Variants in EYS observed in about 807,000 individuals in gnomAD.
EYS encodes protein eyes shut homolog.
Under a neutral mutation model 282.1 loss-of-function variants are expected in EYS, and 250 were observed. That is an observed-to-expected ratio of 0.89 (90% CI 0.80 to 0.98). The LOEUF is 0.98. Ranked by LOEUF, EYS falls within the 50% of genes least tolerant of loss-of-function variation. The probability of loss-of-function intolerance (pLI) is 0.00; values close to 1 mark genes in which losing one functional copy is unlikely to be tolerated. For missense variants in EYS, 4,016 were observed against 3,709.0 expected, an observed-to-expected ratio of 1.08 and a Z score of -2.15; for synonymous variants, 1,355 against 1,282.9, an observed-to-expected ratio of 1.06 and a Z score of -1.20.
chr6:65,242,699 G>C (rs922373435), intron 12 of EYS, among the ~76,000 whole-genome samples: 2 of 152,066 alleles, frequency 1.3e-5, no homozygotes, highest in African/African-American at 4.8e-5. Context: ...TGCCAAAATA[G>C]TTTCCAAAAT....
chr6:64,311,267 A>G (rs1285774164), intron 29 of EYS, among the ~76,000 whole-genome samples: 1 of 152,098 alleles, frequency 6.6e-6, no homozygotes, highest in Non-Finnish European at 1.5e-5. Context: ...TAAAAGTAAT[A>G]GAAGGGAAAC....
chr6:64,881,555 T>A (rs1419064542), intron 19 of EYS, among the ~76,000 whole-genome samples: 1 of 151,894 alleles, frequency 6.6e-6, no homozygotes, highest in Non-Finnish European at 1.5e-5. Context: ...TTGTTCAATA[T>A]CTCTCTTTAC....
In EYS at chr6:65,405,246, A is replaced by G. The variant is rs1456373261; in HGVS notation, c.984T>C (p.Asn328=). Residue 328 remains asparagine, a synonymous_variant, in exon 6 of 43, where the codon AAT becomes AAC. Transcript: ENST00000503581. Reference sequence around the variant, plus strand: ...AAAACTCACTGACATCAGTTTCACCATTTTGGCTGGAAGATCCTTTTGGGC... The same window carrying G: ...AAAACTCACTGACATCAGTTTCACCGTTTTGGCTGGAAGATCCTTTTGGGC... ...YECPKGSSSQ[N]GETDVSEFSL... 4.3e-6 allele frequency: 7 copies of G among 1,613,284 alleles called. No individual in the cohort carries two copies. Among genetic ancestry groups the G allele is most frequent in the Non-Finnish European group, 5.9e-6 (7 of 1,179,580 alleles).
intron 41 of EYS, among the ~76,000 whole-genome samples, chr6:63,737,344 A>T (rs1768944037): frequency 6.6e-6 from 1 of 152,176 alleles, no homozygotes; most frequent in African/African-American, 2.4e-5. Flanking sequence ...TATTGAGATA[A>T]TCATGTGGTT....
chr6:65,041,887 T>A (rs986199904), intron 13 of EYS, among the ~76,000 whole-genome samples: 1 of 151,582 alleles, frequency 6.6e-6, no homozygotes, highest in East Asian at 1.9e-4. Context: ...TTTTCTGTTT[T>A]TGCAACCTCT....
intron 30 of EYS, among the ~76,000 whole-genome samples, chr6:64,256,234 T>A (rs2057164): frequency 0.69 from 104,042 of 151,438 alleles, 35,743 homozygotes; most frequent in South Asian, 0.71. Context: ...TACATAGCTC[T>A]TTTTTCCTTC....
chr6:64,194,443 T>C (rs2150318328), intron 31 of EYS, among the ~76,000 whole-genome samples: 2 of 152,320 alleles, frequency 1.3e-5, no homozygotes, highest in African/African-American at 4.8e-5. Flanking sequence ...TCAAATAAGT[T>C]TTTGTGTAAA....
chr6:64,955,104 T>C (rs985469473), intron 14 of EYS, among the ~76,000 whole-genome samples: 3 of 151,984 alleles, frequency 2.0e-5, no homozygotes, highest in Non-Finnish European at 2.9e-5. Flanking sequence ...CACTTGAACC[T>C]GGGAGGCGGA....
intron 26 of EYS, among the ~76,000 whole-genome samples, chr6:64,448,215 C>T (rs1455002280): frequency 6.6e-6 from 1 of 152,232 alleles, no homozygotes; most frequent in African/African-American, 2.4e-5. Flanking sequence ...TTATATCCCG[C>T]AGGTGGCTCT....
chr6:65,177,844 T>G (rs1581985411), intron 12 of EYS, among the ~76,000 whole-genome samples: 1 of 151,900 alleles, frequency 6.6e-6, no homozygotes, highest in African/African-American at 2.4e-5. Context: ...TTGATGTTAC[T>G]CATTGTAAAA....
chr6:63,831,661 A>C (rs778779751), intron 36 of EYS, among the ~76,000 whole-genome samples: 13 of 152,186 alleles, frequency 8.5e-5, no homozygotes, highest in Non-Finnish European at 4.4e-5. Flanking sequence ...GATCAAAGAG[A>C]CAGAAAGTTA....
chr6:64,772,461 T>C (rs1490712350), intron 22 of EYS, among the ~76,000 whole-genome samples: 1 of 151,814 alleles, frequency 6.6e-6, no homozygotes, highest in Non-Finnish European at 1.5e-5. Context: ...TCAGGGTGAA[T>C]GGGATATCCA....
At chr6:65,055,047 T>A (rs2150156342) in intron 13 of EYS, among the ~76,000 whole-genome samples, 1 of 152,154 alleles carries the variant, frequency 6.6e-6, no homozygotes, top group East Asian at 1.9e-4. Flanking sequence ...AGTGGCACAA[T>A]AATAATTCAC....
At chr6:64,848,725 T>C (rs1315743091) in intron 19 of EYS, among the ~76,000 whole-genome samples, 2 of 152,062 alleles carry the variant, frequency 1.3e-5, no homozygotes, top group African/African-American at 2.4e-5. Flanking sequence ...AGAACAAGTA[T>C]AGGAGAGAAT....
intron 14 of EYS, among the ~76,000 whole-genome samples, chr6:64,963,240 A>C (rs1043279830): frequency 1.3e-5 from 2 of 152,192 alleles, no homozygotes; most frequent in African/African-American, 2.4e-5. Flanking sequence ...CAAATAGCAA[A>C]ATATTAATTT....
chr6:64,901,292 G>C (rs1767652683), intron 18 of EYS, among the ~76,000 whole-genome samples: 1 of 43,014 alleles, frequency 2.3e-5, no homozygotes. Flanking sequence ...CTATGTAGTT[G>C]AGTATATATA....
intron 12 of EYS, among the ~76,000 whole-genome samples, chr6:65,109,748 C>T (rs970922729): frequency 6.6e-6 from 1 of 151,976 alleles, no homozygotes; most frequent in Non-Finnish European, 1.5e-5. Context: ...CCAAAGCCCA[C>T]AGTGACAGTA....
At chr6:65,571,666 G>A (rs1464868757) in intron 2 of EYS, among the ~76,000 whole-genome samples, 3 of 151,916 alleles carry the variant, frequency 2.0e-5, no homozygotes, top group African/African-American at 7.2e-5. Flanking sequence ...ACTATGATCA[G>A]TTGCATTTCT....
chr6:65,298,780 T>A (rs1011547902), intron 11 of EYS, among the ~76,000 whole-genome samples: 1 of 151,608 alleles, frequency 6.6e-6, no homozygotes, highest in African/African-American at 2.4e-5. Flanking sequence ...TAGTAATATA[T>A]AATGCTCTGA....
Sources: allele counts gnomAD v4.1 joint callset (sites outside exome capture counted in the v4.1 genomes callset), GRCh38; gene constraint gnomAD v4.1.1; transcripts MANE v1.5; gene names NCBI Gene and HGNC (gene_info 2026-07-23, HGNC 2026-07-21).